PDSS1: variants seen among roughly 807,000 people sequenced by gnomAD.
The protein encoded by PDSS1 is decaprenyl diphosphate synthase subunit 1.
A neutral mutation model predicts 57.5 loss-of-function variants in PDSS1; 43 were observed. The ratio of observed to expected loss-of-function variants is 0.75; its 90% confidence interval spans 0.59 to 0.96. The LOEUF is 0.96. Ranked by LOEUF, PDSS1 falls within the 50% of genes least tolerant of loss-of-function variation. PDSS1 has a pLI of 0.00. For missense variants in PDSS1, 438 were observed against 527.8 expected (o/e 0.83, Z 1.67); for synonymous variants, 175 against 191.3 (o/e 0.91, Z 0.70).
chr10:26,735,118 T>C, intron 8 of PDSS1, 122 bp from the exon 9 acceptor site: 1 of 766,648 alleles, frequency 1.3e-6, no homozygotes, highest in Non-Finnish European at 2.4e-6. Flanking sequence ...GATGTCAGCA[T>C]CTCCTGAGTG....
At chr10:26,733,745 G>C (rs1836293920) in intron 8 of PDSS1, among the ~76,000 whole-genome samples, 1 of 152,100 alleles carries the variant, frequency 6.6e-6, no homozygotes, top group South Asian at 2.1e-4. Flanking sequence ...GGAGGTGGAG[G>C]TGGGAGGATC....
chr10:26,704,875 T>G (rs572557337), intron 3 of PDSS1, 134 bp downstream of exon 3: 8 of 657,588 alleles, frequency 1.2e-5, no homozygotes, highest in African/African-American at 8.9e-5. Flanking sequence ...GGCCTCAAGC[T>G]ATCCTCCCAC....
At chr10:26,704,868 C>T (rs891001404) in intron 3 of PDSS1, 127 bp downstream of exon 3, 1 of 664,756 alleles carries the variant, frequency 1.5e-6, no homozygotes, top group African/African-American at 1.8e-5. Context: ...AACTGCTGGC[C>T]TCAAGCTATC....
chr10:26,735,659 A>G (rs1836371345), intron 10 of PDSS1, 80 bp downstream of exon 10: 1 of 821,568 alleles, frequency 1.2e-6, no homozygotes, highest in Non-Finnish European at 2.1e-6. Flanking sequence ...TGATGGGAAG[A>G]TTGCATAAAG....
Position 26,709,667 on chromosome 10 carries a change from G to A in PDSS1, c.366G>A (p.Lys122=), listed in dbSNP as rs1468132438. 1.5e-5 allele frequency: 24 copies of A among 1,613,384 alleles called. No individual in the cohort carries two copies. Among genetic ancestry groups the A allele is most frequent in the Non-Finnish European group, 2.0e-5 (24 of 1,179,364 alleles). Residue 122 remains lysine (K), a synonymous_variant, in exon 5 of 12, where the codon AAG becomes AAA. Transcript: ENST00000376215. ...KELLISTSEL[K]EMSEYYFDGK... The stretch of plus-strand genomic sequence containing the variant: ...TGCTTATATCAACATCAGAACTTAA[G>A]GAAATGTCTGAGTACTACTTTGATG...
chr10:26,703,863 T>C (rs1204129140), intron 2 of PDSS1, among the ~76,000 whole-genome samples: 13 of 99,514 alleles, frequency 1.3e-4, no homozygotes, highest in Non-Finnish European at 2.4e-4. Flanking sequence ...GGGCGGATCA[T>C]GAGGTCAGGA....
At chr10:26,709,837 T>C in intron 5 of PDSS1, 69 bp downstream of exon 5, 2 of 1,510,392 alleles carry the variant, frequency 1.3e-6, no homozygotes, top group South Asian at 2.2e-5. Flanking sequence ...GGTTACTTAC[T>C]GTTTCATTTC....
chr10:26,731,327 TGAG>T (rs1836188533), intron 8 of PDSS1, among the ~76,000 whole-genome samples: 1 of 152,174 alleles, frequency 6.6e-6, no homozygotes, highest in African/African-American at 2.4e-5. Context: ...GGCGACAAAG[TGAG>T]ACTCCATCTC....
chr10:26,721,205 A>G (rs1185807201), intron 6 of PDSS1, among the ~76,000 whole-genome samples: 1 of 151,946 alleles, frequency 6.6e-6, no homozygotes, highest in Non-Finnish European at 1.5e-5. Context: ...AGGCTTAGGC[A>G]GGAGAATCGC....
At chr10:26,731,009 C>G (rs1281138060) in intron 8 of PDSS1, among the ~76,000 whole-genome samples, 1 of 151,726 alleles carries the variant, frequency 6.6e-6, no homozygotes, top group Non-Finnish European at 1.5e-5. Context: ...GAGTTCGAGA[C>G]CAGCCTGGCC....
chr10:26,741,605 C>G (rs568178848), intron 10 of PDSS1, among the ~76,000 whole-genome samples: 3 of 152,194 alleles, frequency 2.0e-5, no homozygotes, highest in Admixed American at 6.5e-5. Context: ...CAGAGCTCTG[C>G]ACATAATGCC....
chr10:26,735,880 G>A (rs528013749), intron 10 of PDSS1, among the ~76,000 whole-genome samples: 3 of 152,258 alleles, frequency 2.0e-5, no homozygotes, highest in African/African-American at 7.2e-5. Context: ...GGCATTTGAG[G>A]TAGCATCGTG....
intron 1 of PDSS1, among the ~76,000 whole-genome samples, chr10:26,698,735 C>G (rs993342608): frequency 6.6e-6 from 1 of 152,116 alleles, no homozygotes; most frequent in African/African-American, 2.4e-5. Flanking sequence ...TTTATGTGTC[C>G]GTGTTCTCAT....
intron 2 of PDSS1, among the ~76,000 whole-genome samples, chr10:26,704,083 C>CAAAAGAAAAAAAAAAAAAAAAAAAA (rs1835132417): frequency 3.2e-5 from 1 of 31,050 alleles, no homozygotes; most frequent in Non-Finnish European, 6.1e-5. Context: ...CTCCGTCTCA[C>CAAAAGAAAAAAAAAAAAAAAAAAAA]AAAAAAAAAA....
intron 1 of PDSS1, among the ~76,000 whole-genome samples, chr10:26,700,568 T>C (rs1835020255): frequency 6.6e-6 from 1 of 152,134 alleles, no homozygotes. Context: ...TCCCCCATGC[T>C]GTTCTCATGA....
intron 11 of PDSS1, among the ~76,000 whole-genome samples, chr10:26,745,159 A>AT (rs1836790214): frequency 6.6e-6 from 1 of 152,070 alleles, no homozygotes; most frequent in Admixed American, 6.6e-5. Context: ...GCAAGATTCC[A>AT]TCTCAAAAAA....
At chr10:26,716,610 A>G (rs569901269) in intron 5 of PDSS1, among the ~76,000 whole-genome samples, 26 of 152,218 alleles carry the variant, frequency 1.7e-4, no homozygotes, top group African/African-American at 5.5e-4. Flanking sequence ...AAGAATCACT[A>G]AAACAAGGAG....
chr10:26,743,896 AG>A (rs1424794556), intron 11 of PDSS1, among the ~76,000 whole-genome samples: 2 of 150,882 alleles, frequency 1.3e-5, no homozygotes, highest in African/African-American at 4.9e-5. Flanking sequence ...CCAAAATAAC[AG>A]GGGGAAAAAA....
At chr10:26,734,918 G>T (rs908465983) in intron 8 of PDSS1, among the ~76,000 whole-genome samples, 1 of 152,180 alleles carries the variant, frequency 6.6e-6, no homozygotes, top group African/African-American at 2.4e-5. Context: ...TGTCAAGAAG[G>T]TTTACTTAGC....
Sources: gnomAD v4.1 joint callset for allele counts (sites outside exome capture counted in the v4.1 genomes callset) on GRCh38, gnomAD v4.1.1 for gene constraint, MANE v1.5 for transcripts, NCBI Gene and HGNC (gene_info 2026-07-23, HGNC 2026-07-21) for gene names.